Variants in PIGF observed in about 807,000 individuals in gnomAD.
PIGF encodes the protein GPI ethanolamine phosphate transferase, stabilizing subunit.
In PIGF, 23 loss-of-function variants were observed where a neutral mutation model predicts 26.0. That is an observed-to-expected ratio of 0.88 (90% CI 0.64 to 1.25). The LOEUF (loss-of-function observed/expected upper bound fraction) is 1.25. Among genes scored for constraint, PIGF ranks in the 50% most tolerant of loss-of-function variants. PIGF has a pLI of 0.00. For synonymous variants in PIGF, 93 were observed against 92.6 expected (o/e 1.00, Z -0.03); for missense variants, 278 against 249.9 (o/e 1.11, Z -0.76).
intron 2 of PIGF, 85 bp downstream of exon 2, chr2:46,614,852 A>C: frequency 1.5e-6 from 1 of 674,098 alleles, no homozygotes; most frequent in Non-Finnish European, 2.6e-6. Flanking sequence ...AAATAAGCTA[A>C]TAAAGACTTG....
At chr2:46,609,207 C>T (rs548243408) in intron 4 of PIGF, among the ~76,000 whole-genome samples, 23 of 152,340 alleles carry the variant, frequency 1.5e-4, no homozygotes, top group African/African-American at 5.3e-4. Flanking sequence ...TATGTGATGG[C>T]GATGGCCTCT....
At chr2:46,591,460 A>AAATT (rs1310532092) in intron 5 of PIGF, 1 of 678,578 alleles carries the variant, frequency 1.5e-6, no homozygotes. Flanking sequence ...GATCAGAAAA[A>AAATT]AATTATCTTC....
At chr2:46,608,704 C>G (rs1670302119) in intron 4 of PIGF, among the ~76,000 whole-genome samples, 1 of 152,138 alleles carries the variant, frequency 6.6e-6, no homozygotes, top group Non-Finnish European at 1.5e-5. Flanking sequence ...CATTAATATT[C>G]TTGTACATCT....
intron 2 of PIGF, chr2:46,614,717 C>G (rs1311554530): frequency 9.0e-6 from 4 of 445,172 alleles, no homozygotes; most frequent in African/African-American, 7.9e-5. Context: ...ATAATATGCT[C>G]TGAAGAAGTC....
rs541630905 is a variant in PIGF, at chr2:46,589,319, G to A, written c.546+3156C>T. ...CATTGAGATCACATATTTTCAGTGG[G>A]CCTTTCCAGTCATTTAATGAAGAAA... On this transcript the variant is annotated intron_variant, in intron 5 of 5. Transcript: ENST00000281382. The surrounding 1 kb of genome is among the most constrained non-coding windows in gnomAD (Gnocchi z 4.7). 1.3e-5 allele frequency among the ~76,000 whole-genome samples: 2 copies of A among 152,030 alleles called. No homozygotes were observed. The highest frequency in any genetic ancestry group is 3.9e-4 in the East Asian group (2 of 5,180).
chr2:46,602,076 T>C (rs1670077412), intron 4 of PIGF, among the ~76,000 whole-genome samples: 1 of 151,944 alleles, frequency 6.6e-6, no homozygotes, highest in African/African-American at 2.4e-5. Flanking sequence ...ATAACTGAAT[T>C]AAATTAGTAC....
Position 46,591,940 on chromosome 2 carries a change from A to G in PIGF, c.546+535T>C, listed in dbSNP as rs1669733685. On this transcript the variant is annotated intron_variant, in intron 5 of 5. Transcript: ENST00000281382. ...GCTATCTGCTTCTAAAAATTTCAAGAGGAACATTCAATTTGGCCATCAATC... is the reference window on the plus strand; with the variant it reads ...GCTATCTGCTTCTAAAAATTTCAAGGGGAACATTCAATTTGGCCATCAATC... The G allele has an allele frequency of 3.1e-6, 4 of 1,303,394 alleles. No homozygotes were observed. In the South Asian group the frequency reaches 3.7e-5, roughly 12 times the overall value. The allele number at this position is 1,303,394 out of a possible 1,614,324, so 80.7% of individuals were successfully genotyped here.
intron 5 of PIGF, chr2:46,591,763 G>C: frequency 2.5e-6 from 3 of 1,200,214 alleles, no homozygotes; most frequent in Non-Finnish European, 3.2e-6. Flanking sequence ...CTAGGTGTCA[G>C]TTTCCTCATC....
chr2:46,614,915 G>C (rs753099613), intron 2 of PIGF, 22 bp downstream of exon 2: 9 of 1,112,232 alleles, frequency 8.1e-6, no homozygotes, highest in Non-Finnish European at 1.2e-5. Context: ...CCAAAAATCA[G>C]TTATTGAGAC....
intron 4 of PIGF, among the ~76,000 whole-genome samples, chr2:46,609,636 G>C (rs1384059473): frequency 2.0e-5 from 3 of 151,644 alleles, no homozygotes; most frequent in African/African-American, 7.3e-5. Context: ...AGAGACCATA[G>C]TATGGTTATT....
chr2:46,612,653 C>T (rs1670459426), intron 3 of PIGF, among the ~76,000 whole-genome samples: 2 of 137,446 alleles, frequency 1.5e-5, no homozygotes, highest in Non-Finnish European at 3.3e-5. Flanking sequence ...TAGCTTTCTG[C>T]TCAATAGTCT....
At chr2:46,606,002 T>C (rs1299881291) in intron 4 of PIGF, among the ~76,000 whole-genome samples, 2 of 152,214 alleles carry the variant, frequency 1.3e-5, no homozygotes, top group Admixed American at 1.3e-4. Flanking sequence ...GACTAGGCTG[T>C]TCTCCAGTAT....
intron 4 of PIGF, among the ~76,000 whole-genome samples, chr2:46,598,907 A>G (rs747696978): frequency 3.3e-5 from 5 of 152,236 alleles, no homozygotes; most frequent in Admixed American, 6.5e-5. Flanking sequence ...CTGGATGCTT[A>G]TAATTCAAGC....
intron 4 of PIGF, among the ~76,000 whole-genome samples, chr2:46,596,669 A>G (rs557398670): frequency 6.6e-6 from 1 of 152,162 alleles, no homozygotes; most frequent in East Asian, 1.9e-4. Flanking sequence ...AAATTAAAAA[A>G]AAAAACATAA....
chr2:46,584,315 T>C (rs1017685823), intron 5 of PIGF, among the ~76,000 whole-genome samples: 1 of 152,170 alleles, frequency 6.6e-6, no homozygotes, highest in Non-Finnish European at 1.5e-5. Flanking sequence ...CCTCTATTTA[T>C]GCTGAGAGTC....
At chr2:46,582,328 G>C (rs1415775117) in intron 5 of PIGF, 1 of 151,544 alleles carries the variant, frequency 6.6e-6, no homozygotes, top group Non-Finnish European at 1.5e-5. Context: ...ATGTTCTTCT[G>C]TGAAGCTTAT....
intron 4 of PIGF, among the ~76,000 whole-genome samples, chr2:46,610,433 T>G (rs1670373656): frequency 6.6e-6 from 1 of 151,864 alleles, no homozygotes; most frequent in Non-Finnish European, 1.5e-5. Context: ...ATTATGGTAA[T>G]AATGTAGAAA....
At chr2:46,594,477 T>C (rs1261486097) in intron 4 of PIGF, among the ~76,000 whole-genome samples, 2 of 151,962 alleles carry the variant, frequency 1.3e-5, no homozygotes, top group Non-Finnish European at 2.9e-5. Context: ...ACAAGTCAGA[T>C]TGCTAGAGGC....
At chr2:46,603,510 C>G (rs1670124747) in intron 4 of PIGF, among the ~76,000 whole-genome samples, 1 of 151,968 alleles carries the variant, frequency 6.6e-6, no homozygotes, top group East Asian at 1.9e-4. Context: ...TAAAAACAGG[C>G]ACATAGACCA....
Sources: allele counts gnomAD v4.1 joint callset (sites outside exome capture counted in the v4.1 genomes callset), GRCh38; gene constraint gnomAD v4.1.1; non-coding constraint Gnocchi (gnomAD v3.1); transcripts MANE v1.5; gene names NCBI Gene and HGNC (gene_info 2026-07-23, HGNC 2026-07-21).